The following CSTPP1 variants were observed in gnomAD, a reference collection of about 807,000 sequenced individuals.
The protein encoded by CSTPP1 is centriolar satellite-associated tubulin polyglutamylase complex regulator 1, also known as UPF0705 protein C11orf49.
the CSTPP1 span, among the ~76,000 whole-genome samples, chr11:47,097,561 C>T: frequency 1.2e-4 from 7 of 56,520 alleles, no homozygotes; most frequent in Admixed American, 4.5e-4. Context: ...CCCGGCCAGC[C>T]GCCCCGTCCG....
the CSTPP1 span, among the ~76,000 whole-genome samples, chr11:47,090,065 T>C: frequency 1.3e-5 from 2 of 152,276 alleles, no homozygotes; most frequent in East Asian, 3.9e-4. Flanking sequence ...CACCACAACC[T>C]CTGCCTCCCA....
At chr11:47,035,414 T>C in the CSTPP1 span, among the ~76,000 whole-genome samples, 3 of 152,238 alleles carry the variant, frequency 2.0e-5, no homozygotes, top group African/African-American at 4.8e-5. Context: ...CACTTTTTAC[T>C]GTGATACACA....
the CSTPP1 span, among the ~76,000 whole-genome samples, chr11:47,035,299 A>G: frequency 6.6e-6 from 1 of 152,190 alleles, no homozygotes; most frequent in Non-Finnish European, 1.5e-5. Flanking sequence ...TCTTGGGAGC[A>G]CTTCCGGCAT....
chr11:47,137,475 A>G, the CSTPP1 span: 1 of 1,499,992 alleles, frequency 6.7e-7, no homozygotes, highest in Non-Finnish European at 8.9e-7. Flanking sequence ...AGAAATACTG[A>G]TCTTAAAATC....
the CSTPP1 span, among the ~76,000 whole-genome samples, chr11:46,959,181 T>C: frequency 6.6e-6 from 1 of 151,828 alleles, no homozygotes; most frequent in South Asian, 2.1e-4. Flanking sequence ...GTAGAGTTTC[T>C]TTTTTGTTGT....
At chr11:46,993,595 G>A in the CSTPP1 span, among the ~76,000 whole-genome samples, 223 of 152,022 alleles carry the variant, frequency 1.5e-3, no homozygotes, top group African/African-American at 5.0e-3. Flanking sequence ...GTAGATGTGT[G>A]GTATTATTTC....
chr11:47,034,070 G>A, the CSTPP1 span, among the ~76,000 whole-genome samples: 1 of 151,832 alleles, frequency 6.6e-6, no homozygotes, highest in Non-Finnish European at 1.5e-5. Context: ...TGCACGTTGT[G>A]CGCATGTACC....
chr11:47,157,290 C>T, the CSTPP1 span: 1 of 1,472,340 alleles, frequency 6.8e-7, no homozygotes. Flanking sequence ...GAACAGAGCT[C>T]CGCAGGATGT....
the CSTPP1 span, among the ~76,000 whole-genome samples, chr11:47,062,047 T>G: frequency 7.2e-5 from 11 of 152,156 alleles, no homozygotes; most frequent in Admixed American, 6.6e-4. Flanking sequence ...GGTTTTAGTT[T>G]TAAAGGTCAG....
At chr11:47,154,924 G>A in the CSTPP1 span, 4 of 529,128 alleles carry the variant, frequency 7.6e-6, no homozygotes, top group Admixed American at 3.1e-5. Flanking sequence ...CCGGGAGCCC[G>A]CTCTGGGTAC....
chr11:47,138,979 C>CAAAGA, the CSTPP1 span, among the ~76,000 whole-genome samples: 1 of 40,876 alleles, frequency 2.4e-5, no homozygotes, highest in Non-Finnish European at 4.1e-5. Flanking sequence ...GACTCCGTCT[C>CAAAGA]AAAAAAAAAA....
chr11:47,007,320 C>G, the CSTPP1 span, among the ~76,000 whole-genome samples: 2 of 152,160 alleles, frequency 1.3e-5, no homozygotes, highest in Non-Finnish European at 2.9e-5. Context: ...CATGAGCCAC[C>G]ATGCCCAGCC....
chr11:47,072,270 G>A, the CSTPP1 span, among the ~76,000 whole-genome samples: 1 of 152,090 alleles, frequency 6.6e-6, no homozygotes, highest in African/African-American at 2.4e-5. Context: ...TTTGAAAAAC[G>A]GTCTGGAAAT....
the CSTPP1 span, among the ~76,000 whole-genome samples, chr11:47,136,986 C>T: frequency 2.0e-5 from 3 of 152,182 alleles, no homozygotes; most frequent in Non-Finnish European, 4.4e-5. Context: ...GCTCACCTCT[C>T]CCAAAGCACA....
chr11:47,150,795 C>T, the CSTPP1 span, among the ~76,000 whole-genome samples: 1 of 139,056 alleles, frequency 7.2e-6, no homozygotes. Context: ...GTGGGGGAGT[C>T]GAGGGAGGCA....
chr11:47,059,700 G>A, the CSTPP1 span, among the ~76,000 whole-genome samples: 179 of 152,244 alleles, frequency 1.2e-3, 3 homozygotes, highest in South Asian at 0.035. Context: ...GAGATAATGC[G>A]GAATGCTTTT....
At chr11:47,093,522 T>C in the CSTPP1 span, among the ~76,000 whole-genome samples, 1 of 152,210 alleles carries the variant, frequency 6.6e-6, no homozygotes, top group Admixed American at 6.5e-5. Context: ...TTACATTCCA[T>C]GATGAACAAA....
At chr11:47,039,646 GGCTAACAT>G in the CSTPP1 span, among the ~76,000 whole-genome samples, 4 of 127,422 alleles carry the variant, frequency 3.1e-5, 1 homozygote, top group Non-Finnish European at 7.5e-5. Context: ...AGACCATCCT[GGCTAACAT>G]GATGAAACCC....
chr11:47,002,631 C>T, the CSTPP1 span, among the ~76,000 whole-genome samples: 1 of 151,880 alleles, frequency 6.6e-6, no homozygotes, highest in African/African-American at 2.4e-5. Flanking sequence ...TTCCCCCCAC[C>T]CCACCCCCTG....
Sources: gnomAD v4.1 joint callset for allele counts (sites outside exome capture counted in the v4.1 genomes callset) on GRCh38, gnomAD v4.1.1 for gene constraint, MANE v1.5 for transcripts, NCBI Gene and HGNC (gene_info 2026-07-23, HGNC 2026-07-21) for gene names.